Variants in DST observed in about 807,000 individuals in gnomAD.
DST encodes bullous pemphigoid antigen.
DST carries 253 observed loss-of-function variants against 875.2 expected under a neutral mutation model. The ratio of observed to expected loss-of-function variants is 0.29; its 90% CI spans 0.26 to 0.32. DST has a LOEUF of 0.32. Ranked by LOEUF, DST falls within the 10% of genes least tolerant of loss-of-function variation. The pLI, the probability that DST is intolerant of heterozygous loss-of-function variation, is 1.00. For missense variants in DST, 8,287 were observed against 9,111.6 expected, an observed-to-expected ratio of 0.91 and a Z score of 3.68; for synonymous variants, 3,124 against 3,197.1, an observed-to-expected ratio of 0.98 and a Z score of 0.77.
intron 98 of DST, among the ~76,000 whole-genome samples, chr6:56,468,171 AAAT>A (rs1475697130): frequency 6.6e-6 from 1 of 151,668 alleles, no homozygotes; most frequent in African/African-American, 2.4e-5. Flanking sequence ...AAATAAAATA[AAAT>A]AAAATAAAAG....
chr6:56,594,186 T>C lies in DST; in HGVS notation c.12203A>G (p.His4068Arg). The C allele has an allele frequency of 1.3e-6, 2 of 1,521,488 alleles. No individual in the cohort carries two copies. Among genetic ancestry groups the C allele is most frequent in the Non-Finnish European group, 1.8e-6 (2 of 1,141,140 alleles). The allele number at this position is 1,521,488 out of a possible 1,614,324, so 94.2% of individuals were successfully genotyped here. The change falls in exon 48 of 104, where the codon CAC (histidine) becomes CGC (arginine). Residue 4068 changes from histidine to arginine, a missense_variant. His to Arg is a conservative substitution (Grantham distance 29, BLOSUM62 0). Coordinates refer to ENST00000680361, the MANE Select transcript of DST (RefSeq NM_001374736.1). ...NQQYQKVKAQ[H>R]EKIISQHQAV... is the part of the protein sequence containing the mutation. ...TTGGTGCTGAGAGATGATCTTCTCG[T>C]GTTGGGCCTATGTGAAAACAAATTG... is the stretch of plus-strand genomic sequence containing the variant.
At chr6:56,670,312 T>C (rs536886396) in intron 10 of DST, among the ~76,000 whole-genome samples, 2 of 152,226 alleles carry the variant, frequency 1.3e-5, no homozygotes, top group African/African-American at 4.8e-5. Flanking sequence ...CACCGCAGCC[T>C]TGGCCTCCGG....
At position 56,645,122 on chromosome 6, in the gene DST, C is replaced by T. The variant is rs551953066; in HGVS notation, c.1778+744G>A. On this transcript the variant is annotated intron_variant, in intron 15 of 103. Transcript: ENST00000680361. ...TTAAACCTCTTTCCTTTATAAATTACCCAGTCTCAGATATGTCTTTATTAG... is the reference window on the plus strand; with the variant it reads ...TTAAACCTCTTTCCTTTATAAATTATCCAGTCTCAGATATGTCTTTATTAG... Among the ~76,000 whole-genome samples the T allele has an allele frequency of 2.9e-4, 44 of 152,304 alleles. 1 individual carries two copies. The highest frequency in any genetic ancestry group is 5.9e-4 in the Admixed American group (9 of 15,290).
chr6:56,939,558 ATTAC>A (rs1815189100), intron 2 of DST, among the ~76,000 whole-genome samples: 2 of 152,196 alleles, frequency 1.3e-5, no homozygotes, highest in Non-Finnish European at 1.5e-5. Flanking sequence ...GATAAGAAAA[ATTAC>A]TTACATAAAG....
chr6:56,600,120 G>A lies in DST; in HGVS notation c.11643C>T (p.Phe3881=), dbSNP rs757129796. 4 of 1,612,996 alleles carry A rather than the reference G, an allele frequency of 2.5e-6. No individual in the cohort carries two copies. The South Asian group carries it at 4.4e-5, about 18-fold the overall frequency. The stretch of plus-strand genomic sequence containing the variant: ...ACTCAACTGTGCCATCTCCAATCAT[G>A]AAGGCTTCTTGGTGACCAATTAGGC... The part of the protein sequence containing the change: ...ENRLIGHQEA[F]MIGDGTVELK... Residue 3881 remains phenylalanine (F), a synonymous_variant, in exon 45 of 104, where the codon TTC becomes TTT. Coordinates refer to ENST00000680361, the MANE Select transcript of DST (RefSeq NM_001374736.1).
intron 2 of DST, among the ~76,000 whole-genome samples, chr6:56,938,082 T>TTCTCTCTCTCTCTCTCTC (rs144019912): frequency 1.5e-5 from 2 of 131,706 alleles, no homozygotes; most frequent in African/African-American, 6.6e-5. Context: ...CTCTCTCTCT[T>TTCTCTCTCTCTCTCTCTC]TCTCTCTCTC....
chr6:56,552,044 C>T (rs542613777), intron 61 of DST, 140 bp downstream of exon 61: 1 of 960,720 alleles, frequency 1.0e-6, no homozygotes, highest in Non-Finnish European at 1.5e-6. Flanking sequence ...GGGTGTTACC[C>T]CCATATATGC....
chr6:56,938,481 A>T (rs1254501026), intron 2 of DST, among the ~76,000 whole-genome samples: 1 of 152,174 alleles, frequency 6.6e-6, no homozygotes, highest in Non-Finnish European at 1.5e-5. Context: ...TAATTTCCAT[A>T]CATATGAAAG....
intron 36 of DST, chr6:56,618,320 G>A: frequency 6.2e-7 from 1 of 1,614,178 alleles, no homozygotes; most frequent in Non-Finnish European, 8.5e-7. Context: ...TCTGGGTGTT[G>A]GGTGAAGGTG....
intron 15 of DST, 116 bp downstream of exon 15, chr6:56,645,750 G>T: frequency 8.1e-7 from 1 of 1,229,942 alleles, no homozygotes; most frequent in African/African-American, 1.5e-5. Flanking sequence ...AGGATCAAAA[G>T]GATTAAGAGA....
At chr6:56,624,214 C>T (rs1039993536) in intron 36 of DST, among the ~76,000 whole-genome samples, 26 of 151,850 alleles carry the variant, frequency 1.7e-4, no homozygotes, top group African/African-American at 5.8e-4. Context: ...GTGAGAAAGC[C>T]GAAAAATATT....
chr6:56,602,116 G>T, intron 43 of DST: 2 of 279,866 alleles, frequency 7.1e-6, no homozygotes, highest in Non-Finnish European at 7.0e-6. Context: ...CAGAATTTCA[G>T]TTTTCTGACT....
chr6:56,572,672 C>T, intron 52 of DST, 75 bp downstream of exon 52: 10 of 1,062,830 alleles, frequency 9.4e-6, no homozygotes, highest in Non-Finnish European at 1.2e-5. Flanking sequence ...AATTATAATT[C>T]TGGCACTAAG....
chr6:56,608,689 C>T lies in DST; in HGVS notation c.5939G>A (p.Arg1980His), dbSNP rs762479064. The change falls in exon 40 of 104, where the codon CGT (arginine) becomes CAT (histidine). Residue 1980 changes from arginine (R) to histidine (H), a missense_variant. Physicochemically the swap from Arg to His is conservative, Grantham distance 29 (BLOSUM62 0). Transcript: ENST00000680361. ...ACTTAACAACCTAAACATGGTTTCA[C>T]GGTCTATGAGACCTTCATGAGCTGC... ...LRAAHEGLID[R>H]ETMFRLLSAQ... 9.9e-6 allele frequency: 16 copies of T among 1,612,672 alleles called. No individual in the cohort carries two copies. The East Asian group carries it at 1.3e-4, about 13-fold the overall frequency.
intron 10 of DST, among the ~76,000 whole-genome samples, 181 bp from the exon 11 acceptor site, chr6:56,651,425 G>A (rs1046475339): frequency 1.3e-5 from 2 of 152,180 alleles, no homozygotes; most frequent in African/African-American, 2.4e-5. Flanking sequence ...CTTCTGTATC[G>A]AAAGCAAATA....
intron 10 of DST, among the ~76,000 whole-genome samples, chr6:56,669,112 A>G (rs985194447): frequency 2.6e-5 from 4 of 152,102 alleles, no homozygotes; most frequent in African/African-American, 7.2e-5. Flanking sequence ...ATAGCATTTA[A>G]GAGAACGAGA....
intron 5 of DST, among the ~76,000 whole-genome samples, chr6:56,719,907 AG>A: frequency 6.6e-6 from 1 of 152,346 alleles, no homozygotes; most frequent in Non-Finnish European, 1.5e-5. Flanking sequence ...GAATATCACA[AG>A]GCAAATGGAG....
Position 56,607,091 on chromosome 6 carries a change from T to A in DST, c.7537A>T (p.Ile2513Phe), listed in dbSNP as rs201399684. The change falls in exon 40 of 104, where the codon ATT becomes TTT. Residue 2513 changes from isoleucine to phenylalanine, a missense_variant. Ile to Phe is a conservative substitution (Grantham distance 21). Coordinates refer to ENST00000680361, the MANE Select transcript of DST (RefSeq NM_001374736.1). ...TATTGTACTTGAGGATTACTAGAAA[T>A]CATATTTAAAGATTTCTGTCCATAC... ...EQYGQKSLNM[I>F]SSNPQVQYHN... 3.7e-4 allele frequency: 591 copies of A among 1,613,122 alleles called. No homozygotes were observed. Among genetic ancestry groups the A allele is most frequent in the Non-Finnish European group, 4.6e-4 (548 of 1,179,550 alleles).
intron 4 of DST, among the ~76,000 whole-genome samples, chr6:56,778,141 C>A (rs1349360673): frequency 6.6e-6 from 1 of 152,082 alleles, no homozygotes; most frequent in African/African-American, 2.4e-5. Context: ...AGTGCTTCTA[C>A]TAGCATAGTT....
Sources: gnomAD v4.1 joint callset for allele counts (sites outside exome capture counted in the v4.1 genomes callset) on GRCh38, gnomAD v4.1.1 for gene constraint, MANE v1.5 for transcripts, NCBI Gene and HGNC (gene_info 2026-07-23, HGNC 2026-07-21) for gene names.